Variants in PXDN observed in about 807,000 individuals in gnomAD.
The protein encoded by PXDN is peroxidasin homolog.
Under a neutral mutation model 140.3 loss-of-function variants are expected in PXDN, and 77 were observed. That is an observed-to-expected ratio of 0.55 (90% CI 0.46 to 0.66). The LOEUF (loss-of-function observed/expected upper bound fraction) is 0.66. Among genes scored for constraint, PXDN ranks in the 30% least tolerant of loss-of-function variants. The probability of loss-of-function intolerance (pLI) is 0.00; values close to 1 mark genes in which losing one functional copy is unlikely to be tolerated. For missense variants in PXDN, 1,838 were observed against 2,039.5 expected (o/e 0.90, Z 1.90); for synonymous variants, 911 against 857.4 (o/e 1.06, Z -1.09).
chr2:1,656,952 C>T (rs560877785), intron 14 of PXDN, among the ~76,000 whole-genome samples: 5 of 150,574 alleles, frequency 3.3e-5, no homozygotes, highest in African/African-American at 1.2e-4. Flanking sequence ...CCCCTCCTGC[C>T]TCAGACCTGT....
At chr2:1,656,024 C>T (rs533644018) in intron 14 of PXDN, among the ~76,000 whole-genome samples, 1 of 151,876 alleles carries the variant, frequency 6.6e-6, no homozygotes, top group South Asian at 2.1e-4. Context: ...CACACAGATA[C>T]ACACTACACA....
rs377568844 is a variant in PXDN, at chr2:1,648,369, C to A, written c.3411G>T (p.Thr1137=). The change falls in exon 17 of 23, where the codon ACG becomes ACT. Residue 1137 remains threonine (T), a synonymous_variant. Coordinates refer to ENST00000252804, the MANE Select transcript of PXDN (RefSeq NM_012293.3). The surrounding 1 kb of genome is among the most constrained non-coding windows in gnomAD (Gnocchi z 8.9). ...TGGAGAACAGCCGCTCCGTGAGCTCCGTGTTCAGCAGCTGCGAGGGCACAC... is the reference window on the plus strand; with the variant it reads ...TGGAGAACAGCCGCTCCGTGAGCTCAGTGTTCAGCAGCTGCGAGGGCACAC... ...KMRVPSQLLN[T]ELTERLFSMA... 1.2e-5 allele frequency: 19 copies of A among 1,613,458 alleles called. No individual in the cohort carries two copies. The East Asian group carries it at 3.6e-4, about 30-fold the overall frequency.
chr2:1,663,686 C>G lies in PXDN; in HGVS notation c.1486G>C (p.Asp496His), dbSNP rs746298361. ...GCCTGGCATTCGTACTGGCCCTGGT[C>G]GTGGAGGGCAACACCAGAGATTCTA... Reference protein sequence around the residue: ...TLRISGVALHDQGQYECQAVN... With the variant: ...TLRISGVALHHQGQYECQAVN... Residue 496 changes from aspartate to histidine, a missense_variant, in exon 12 of 23, where the codon GAC becomes CAC. By Grantham distance (81) the Asp-to-His change is moderately conservative. Transcript: ENST00000252804. The G allele has an allele frequency of 6.2e-7, 1 of 1,613,850 alleles. No homozygotes were observed. The highest frequency in any genetic ancestry group is 8.5e-7 in the Non-Finnish European group (1 of 1,179,906).
rs879169914 is a variant in PXDN at position 1,692,996 on chromosome 2, A to G, written c.272+67T>C. On this transcript the variant is annotated intron_variant, in intron 2 of 22. Transcript: ENST00000252804. ...CCACTGATTGTGGATGATGAGTTCTACCTACAGATAAACAATGTAATGATT... is the reference window on the plus strand; with the variant it reads ...CCACTGATTGTGGATGATGAGTTCTGCCTACAGATAAACAATGTAATGATT... The G allele has an allele frequency of 1.9e-5, 27 of 1,403,708 alleles. No homozygotes were observed. The South Asian group carries it at 2.6e-4, about 14-fold the overall frequency. The allele number at this position is 1,403,708 out of a possible 1,614,324, so 87.0% of individuals were successfully genotyped here. A position where few individuals can be genotyped will look rare whatever the true frequency, so the allele number is the denominator to read the frequency against.
intron 14 of PXDN, among the ~76,000 whole-genome samples, chr2:1,657,721 G>A (rs1368749581): frequency 2.2e-5 from 2 of 89,234 alleles, no homozygotes; most frequent in Non-Finnish European, 4.4e-5. Flanking sequence ...ACAAGAACCT[G>A]CCCCCACCTG....
In PXDN at chr2:1,685,260, C is replaced by T. The variant is rs1684023719; in HGVS notation, c.417-1109G>A. On this transcript the variant is annotated intron_variant, in intron 4 of 22. Transcript: ENST00000252804. This position sits in a 1 kb window ranked among gnomAD's most constrained non-coding sequence, Gnocchi z 5.1. ...CCCCTTGCCCCGGGACAGGTCTGTG[C>T]TCAGCACTCCGCGCACGAATGGGAA... 6.6e-6 allele frequency among the ~76,000 whole-genome samples: 1 copy of T among 152,256 alleles called. No individual in the cohort carries two copies. The highest frequency in any genetic ancestry group is 6.5e-5 in the Admixed American group (1 of 15,290).
chr2:1,736,786 G>A (rs557955110), intron 1 of PXDN, among the ~76,000 whole-genome samples: 7 of 152,256 alleles, frequency 4.6e-5, no homozygotes, highest in South Asian at 4.1e-4. Context: ...CCTTGGAGGC[G>A]GATGTCAAAA....
intron 21 of PXDN, 23 bp from the exon 22 acceptor site, chr2:1,635,544 C>A: frequency 6.6e-7 from 1 of 1,521,444 alleles, no homozygotes; most frequent in South Asian, 1.2e-5. Flanking sequence ...AAAGAACATT[C>A]ATTCATTGGG....
At chr2:1,739,938 T>C (rs1014571147) in intron 1 of PXDN, among the ~76,000 whole-genome samples, 16 of 152,234 alleles carry the variant, frequency 1.1e-4, no homozygotes, top group African/African-American at 3.1e-4. Context: ...GCATCATCTG[T>C]TCTATGGAAG....
chr2:1,648,185 C>G lies in PXDN; in HGVS notation c.3595G>C (p.Glu1199Gln). The G allele has an allele frequency of 6.2e-7, 1 of 1,611,834 alleles. No individual in the cohort carries two copies. Among genetic ancestry groups the G allele is most frequent in the Non-Finnish European group, 8.5e-7 (1 of 1,178,076 alleles). Residue 1199 changes from glutamate (E) to glutamine (Q), a missense_variant, in exon 17 of 23, where the codon GAG becomes CAG. By Grantham distance (29) the Glu-to-Gln change is conservative (BLOSUM62 2). Transcript: ENST00000252804. This position sits in a 1 kb window ranked among gnomAD's most constrained non-coding sequence, Gnocchi z 8.9. ...KNEIKNPEIREKLKRLYGSTL... is the reference protein window; with the variant it reads ...KNEIKNPEIRQKLKRLYGSTL... ...TCTTCAGCTCACCTTTTCAGTTTCT[C>G]CCGGATCTCAGGGTTTTTAATCTCA...
At chr2:1,727,475 G>C (rs1303897011) in intron 1 of PXDN, among the ~76,000 whole-genome samples, 4 of 152,210 alleles carry the variant, frequency 2.6e-5, no homozygotes, top group Non-Finnish European at 5.9e-5. Context: ...TGGGGAAGCC[G>C]AGGCTTCAAG....
intron 21 of PXDN, 138 bp from the exon 22 acceptor site, chr2:1,635,659 T>C: frequency 1.3e-6 from 1 of 747,310 alleles, no homozygotes; most frequent in Admixed American, 2.0e-5. Context: ...GAAGAACTTT[T>C]ACAGAATCTC....
rs368255255 is a variant in PXDN at position 1,681,309 on chromosome 2, C to CT, written c.561-948dup. Among the ~76,000 whole-genome samples the CT allele has an allele frequency of 8.4e-4, 126 of 149,634 alleles. 1 individual carries two copies. The highest frequency in any genetic ancestry group is 3.4e-3 in the Middle Eastern group (1 of 292). Reference sequence around the variant, plus strand: ...TGCTTTGCTGAGGGTCTCTATTTCCCTTTTTTTTTTCCTTTTTGCCCAATA... The same window carrying CT: ...TGCTTTGCTGAGGGTCTCTATTTCCCTTTTTTTTTTTCCTTTTTGCCCAATA... On this transcript the variant is annotated intron_variant, in intron 6 of 22. Coordinates refer to ENST00000252804, the MANE Select transcript of PXDN (RefSeq NM_012293.3).
At position 1,666,448 on chromosome 2, in the gene PXDN, C is replaced by A. The variant is rs770108141; in HGVS notation, c.1057G>T (p.Val353Leu). 3 of 1,603,334 alleles carry A rather than the reference C, an allele frequency of 1.9e-6. No homozygotes were observed. Among genetic ancestry groups the A allele is most frequent in the African/African-American group, 1.3e-5 (1 of 74,756 alleles). ...AGCGTGACGCTCTCCCCAACCAGCACCTCTGTATTCTGTGGCTGGATTACA... is the reference window on the plus strand; with the variant it reads ...AGCGTGACGCTCTCCCCAACCAGCAACTCTGTATTCTGTGGCTGGATTACA... Reference protein sequence around the residue: ...TFVIQPQNTEVLVGESVTLEC... With the variant: ...TFVIQPQNTELLVGESVTLEC... The change falls in exon 10 of 23, where the codon GTG (valine) becomes TTG (leucine). Residue 353 changes from valine (V) to leucine (L), a missense_variant. By Grantham distance (32) the Val-to-Leu change is conservative (BLOSUM62 1). Around this residue, in one of 5 missense-constraint regions of PXDN, gnomAD observed 208 missense variants for 325.8 expected, o/e 0.64. Coordinates refer to ENST00000252804, the MANE Select transcript of PXDN (RefSeq NM_012293.3).
chr2:1,668,949 G>T (rs1683511545), intron 9 of PXDN, among the ~76,000 whole-genome samples: 1 of 152,170 alleles, frequency 6.6e-6, no homozygotes, highest in Non-Finnish European at 1.5e-5. Context: ...CCATTATTGG[G>T]TATATACCCA....
intron 1 of PXDN, among the ~76,000 whole-genome samples, chr2:1,725,149 C>CT (rs1269949710): frequency 6.6e-6 from 1 of 151,964 alleles, no homozygotes; most frequent in East Asian, 1.9e-4. Context: ...TCTTGATTCC[C>CT]TTTTTGGATA....
intron 1 of PXDN, among the ~76,000 whole-genome samples, chr2:1,729,503 C>T (rs1315692387): frequency 2.6e-5 from 4 of 151,912 alleles, no homozygotes; most frequent in Admixed American, 2.0e-4. Context: ...GAAAGCCCAC[C>T]GTAGGCCAAC....
chr2:1,632,616 C>G lies in PXDN; in HGVS notation c.*1588G>C, dbSNP rs1053528442. ...CTCCGCCGCAGCAACTTGGCCGGCC[C>G]GTGCTGGAAGGGTCTGGGTGTCTCC... On this transcript the variant is annotated 3_prime_UTR_variant, in exon 23 of 23. Coordinates refer to ENST00000252804, the MANE Select transcript of PXDN (RefSeq NM_012293.3). The surrounding 1 kb of genome is among the most constrained non-coding windows in gnomAD (Gnocchi z 4.3). 1 of 152,224 alleles carries G rather than the reference C, an allele frequency of 6.6e-6. No individual in the cohort carries two copies. Among genetic ancestry groups the G allele is most frequent in the Non-Finnish European group, 1.5e-5 (1 of 68,044 alleles). 9.4% of individuals were successfully genotyped at this position (152,224 alleles called of 1,614,324 possible).
rs1683808141 is a variant in PXDN at position 1,679,252 on chromosome 2, CGTGTGTGGTGT to C, written c.730+930_730+940del. Among the ~76,000 whole-genome samples the C allele has an allele frequency of 2.5e-5, 3 of 118,506 alleles. No individual in the cohort carries two copies. The South Asian group carries it at 9.1e-4, about 36-fold the overall frequency. The allele number at this position is 118,506 out of a possible 152,430, so 77.7% of individuals were successfully genotyped here. On this transcript the variant is annotated intron_variant, in intron 7 of 22. Coordinates refer to ENST00000252804, the MANE Select transcript of PXDN (RefSeq NM_012293.3). ...AAATGGTGTGTGTAGATGGCATGTGCGTGTGTGGTGTGTGTGTGGATTGTATGTGCATGTGT... is the reference window on the plus strand; with the variant it reads ...AAATGGTGTGTGTAGATGGCATGTGCGTGTGTGGATTGTATGTGCATGTGT...
Sources: gnomAD v4.1 joint callset for allele counts (sites outside exome capture counted in the v4.1 genomes callset) on GRCh38, gnomAD v4.1.1 for gene constraint, gnomAD v4.1.1 regional missense constraint, Gnocchi (gnomAD v3.1) non-coding constraint, MANE v1.5 for transcripts, NCBI Gene and HGNC (gene_info 2026-07-23, HGNC 2026-07-21) for gene names.